Variants in CYSTM1 observed in about 807,000 individuals in gnomAD.
CYSTM1 encodes the protein cysteine rich transmembrane module containing 1.
Under a neutral mutation model 13.1 loss-of-function variants are expected in CYSTM1, and 4 were observed. That is an observed-to-expected ratio of 0.31 (90% CI 0.15 to 0.70). CYSTM1 has a LOEUF of 0.70. CYSTM1 is among the 30% of genes least tolerant of loss of function. The pLI is 0.72. For synonymous variants in CYSTM1, 36 were observed against 42.7 expected, an observed-to-expected ratio of 0.84 and a Z score of 0.62; for missense variants, 96 against 121.6, an observed-to-expected ratio of 0.79 and a Z score of 0.99.
At chr5:140,186,597 C>T (rs1034732221) in intron 1 of CYSTM1, among the ~76,000 whole-genome samples, 25 of 152,286 alleles carry the variant, frequency 1.6e-4, no homozygotes, top group Non-Finnish European at 3.4e-4. Context: ...CCTCTATCTT[C>T]GCTTGGTTTT....
chr5:140,175,890 G>C lies in CYSTM1; in HGVS notation c.-21+605G>C, dbSNP rs1285003476. On this transcript the variant is annotated intron_variant, in intron 1 of 2. Coordinates refer to ENST00000261811, the MANE Select transcript of CYSTM1 (RefSeq NM_032412.4). This position sits in a 1 kb window ranked among gnomAD's most constrained non-coding sequence, Gnocchi z 4.9. ...GAGAGCCGTGGATTGGGATCTGAGC[G>C]GACCTGTTGGAGGAAGTGAAATCTG... 6.6e-6 allele frequency among the ~76,000 whole-genome samples: 1 copy of C among 152,202 alleles called. No individual in the cohort carries two copies. The highest frequency in any genetic ancestry group is 2.1e-4 in the South Asian group (1 of 4,830).
Position 140,182,771 on chromosome 5 carries a change from G to A in CYSTM1, c.-21+7486G>A, listed in dbSNP as rs370248955. Among the ~76,000 whole-genome samples, 8 of 152,152 alleles carry A rather than the reference G, an allele frequency of 5.3e-5. No individual in the cohort carries two copies. The East Asian group carries it at 7.7e-4, about 15-fold the overall frequency. ...TCCCCCAATCTTCATTGTCCGTAAA[G>A]CCTATTCCTTTAAGAATCCTATGAA... On this transcript the variant is annotated intron_variant, in intron 1 of 2. Transcript: ENST00000261811.
intron 2 of CYSTM1, among the ~76,000 whole-genome samples, chr5:140,241,363 G>A (rs1000623446): frequency 6.6e-6 from 1 of 152,208 alleles, no homozygotes; most frequent in Admixed American, 6.5e-5. Context: ...CCACACGGCG[G>A]TCATGAAGAC....
In CYSTM1 at chr5:140,175,825, A is replaced by G. The variant is rs1054186026; in HGVS notation, c.-21+540A>G. On this transcript the variant is annotated intron_variant, in intron 1 of 2. Transcript: ENST00000261811. This position sits in a 1 kb window ranked among gnomAD's most constrained non-coding sequence, Gnocchi z 4.9. ...CCGGCGCTCGGAGGCCGGGGTGTTC[A>G]GAGAAGGCGTTGCGGGGGAAAGGAA... 2.0e-5 allele frequency among the ~76,000 whole-genome samples: 3 copies of G among 152,310 alleles called. No individual in the cohort carries two copies. Among genetic ancestry groups the G allele is most frequent in the African/African-American group, 7.2e-5 (3 of 41,580 alleles).
At chr5:140,195,468 G>A (rs1209922981) in intron 2 of CYSTM1, among the ~76,000 whole-genome samples, 1 of 131,910 alleles carries the variant, frequency 7.6e-6, no homozygotes, top group African/African-American at 2.9e-5. Flanking sequence ...TTGAGACGGA[G>A]TCTCACTCTG....
intron 2 of CYSTM1, among the ~76,000 whole-genome samples, chr5:140,229,940 G>A (rs139506366): frequency 0.026 from 4,026 of 152,036 alleles, 81 homozygotes; most frequent in Non-Finnish European, 0.042. Flanking sequence ...TCACGATCTC[G>A]GCTCACTGCA....
intron 1 of CYSTM1, among the ~76,000 whole-genome samples, chr5:140,179,855 G>A (rs986099388): frequency 1.3e-5 from 2 of 152,080 alleles, no homozygotes; most frequent in East Asian, 3.9e-4. Context: ...TAGAGACGGG[G>A]TTTCACCACG....
intron 2 of CYSTM1, among the ~76,000 whole-genome samples, chr5:140,231,121 T>C (rs1340571813): frequency 6.6e-6 from 1 of 152,262 alleles, no homozygotes; most frequent in Non-Finnish European, 1.5e-5. Context: ...ATTTTTGTCT[T>C]CTTTTTATGT....
rs1397346761 is a variant in CYSTM1 at position 140,239,663 on chromosome 5, G to T, written c.188-3642G>T. ...TAGCCTGGGCTCCTGGGCCACATCTGTGTGCTCACGCACCTCTCCCTGCAC... is the reference window on the plus strand; with the variant it reads ...TAGCCTGGGCTCCTGGGCCACATCTTTGTGCTCACGCACCTCTCCCTGCAC... On this transcript the variant is annotated intron_variant, in intron 2 of 2. Coordinates refer to ENST00000261811, the MANE Select transcript of CYSTM1 (RefSeq NM_032412.4). The surrounding 1 kb of genome is among the most constrained non-coding windows in gnomAD (Gnocchi z 5.4). Among the ~76,000 whole-genome samples the T allele has an allele frequency of 6.6e-6, 1 of 152,220 alleles. No individual in the cohort carries two copies. Among genetic ancestry groups the T allele is most frequent in the Non-Finnish European group, 1.5e-5 (1 of 68,040 alleles).
In CYSTM1 at chr5:140,183,445, A is replaced by G. The variant is rs570736752; in HGVS notation, c.-21+8160A>G. ...TGAGGGTTGACTATTTGAAGTTCCA[A>G]TTATAATGCTGTCCTATATGTCCCA... On this transcript the variant is annotated intron_variant, in intron 1 of 2. Coordinates refer to ENST00000261811, the MANE Select transcript of CYSTM1 (RefSeq NM_032412.4). Among the ~76,000 whole-genome samples the G allele has an allele frequency of 5.3e-5, 8 of 152,188 alleles. No individual in the cohort carries two copies. The East Asian group carries it at 7.7e-4, about 15-fold the overall frequency.
At chr5:140,227,333 A>C (rs895333148) in intron 2 of CYSTM1, among the ~76,000 whole-genome samples, 1 of 152,142 alleles carries the variant, frequency 6.6e-6, no homozygotes, top group Non-Finnish European at 1.5e-5. Context: ...GAGAGGGTTA[A>C]TAGGGGCTCA....
intron 2 of CYSTM1, among the ~76,000 whole-genome samples, chr5:140,215,679 T>C (rs1335757815): frequency 6.6e-6 from 1 of 152,150 alleles, no homozygotes; most frequent in Non-Finnish European, 1.5e-5. Context: ...TGTTGTGATA[T>C]AGCCCTTTTT....
chr5:140,193,853 C>T (rs1250876538), intron 1 of CYSTM1, among the ~76,000 whole-genome samples: 1 of 152,206 alleles, frequency 6.6e-6, no homozygotes, highest in East Asian at 1.9e-4. Flanking sequence ...CGCTGTCCAA[C>T]TGCTCAGAGC....
At chr5:140,234,901 G>T (rs1195532994) in intron 2 of CYSTM1, among the ~76,000 whole-genome samples, 1 of 152,062 alleles carries the variant, frequency 6.6e-6, no homozygotes, top group Non-Finnish European at 1.5e-5. Flanking sequence ...TCATGTACTA[G>T]GCATGATTAG....
chr5:140,226,499 T>C (rs1162969909), intron 2 of CYSTM1, among the ~76,000 whole-genome samples: 2 of 109,158 alleles, frequency 1.8e-5, no homozygotes, highest in African/African-American at 6.9e-5. Context: ...ATATATAATA[T>C]ATATAAATAT....
chr5:140,242,979 AG>A, intron 2 of CYSTM1, among the ~76,000 whole-genome samples: 1 of 152,236 alleles, frequency 6.6e-6, no homozygotes, highest in Admixed American at 6.5e-5. Context: ...GTTCCCCTCC[AG>A]GGGGGAAGAC....
At chr5:140,194,382 G>A in intron 1 of CYSTM1, 64 bp from the exon 2 acceptor site, 2 of 1,421,384 alleles carry the variant, frequency 1.4e-6, no homozygotes, top group South Asian at 2.9e-5. Flanking sequence ...TTATGGGTTA[G>A]GATTTTATTC....
chr5:140,187,325 G>A lies in CYSTM1; in HGVS notation c.-20-7121G>A, dbSNP rs182420801. 1.3e-3 allele frequency among the ~76,000 whole-genome samples: 198 copies of A among 151,744 alleles called. 2 individuals carry two copies. Among genetic ancestry groups the A allele is most frequent in the Non-Finnish European group, 2.5e-3 (169 of 67,926 alleles). Reference sequence around the variant, plus strand: ...GTTAAAAAAAAAAAAAAGACACCGAGGTCTCTAGGGTAAGATCTGCTCTCA... The same window carrying A: ...GTTAAAAAAAAAAAAAAGACACCGAAGTCTCTAGGGTAAGATCTGCTCTCA... On this transcript the variant is annotated intron_variant, in intron 1 of 2. Transcript: ENST00000261811.
At chr5:140,194,758 G>A in intron 2 of CYSTM1, 106 bp downstream of exon 2, 1 of 1,378,160 alleles carries the variant, frequency 7.3e-7, no homozygotes. Context: ...TGCAACTTGT[G>A]CTTGATGTCC....
Sources: allele counts gnomAD v4.1 joint callset (sites outside exome capture counted in the v4.1 genomes callset), GRCh38; gene constraint gnomAD v4.1.1; non-coding constraint Gnocchi (gnomAD v3.1); transcripts MANE v1.5; gene names NCBI Gene and HGNC (gene_info 2026-07-23, HGNC 2026-07-21).